Variants in MMP26 observed in about 807,000 individuals in gnomAD.
MMP26 encodes matrix metallopeptidase 26.
In MMP26, 33 loss-of-function variants were observed where a neutral mutation model predicts 31.0. That is an observed-to-expected ratio of 1.06 (90% confidence interval 0.81 to 1.42). MMP26 has a LOEUF of 1.42. Among genes scored for constraint, MMP26 ranks in the 40% most tolerant of loss-of-function variants. MMP26 has a pLI of 0.00. For missense variants in MMP26, 347 were observed against 316.1 expected, an observed-to-expected ratio of 1.10 and a Z score of -0.74; for synonymous variants, 122 against 114.9, an observed-to-expected ratio of 1.06 and a Z score of -0.40.
chr11:4,807,282 A>C (rs1234687744), intron 2 of MMP26, among the ~76,000 whole-genome samples: 1 of 152,084 alleles, frequency 6.6e-6, no homozygotes, highest in African/African-American at 2.4e-5. Context: ...ACTAATTTAC[A>C]CTCCCACCAA....
chr11:4,829,297 G>A (rs564946669), intron 2 of MMP26, among the ~76,000 whole-genome samples: 1 of 152,012 alleles, frequency 6.6e-6, no homozygotes, highest in Admixed American at 6.6e-5. Context: ...CCACTTTTCT[G>A]CCTGTCCTAA....
intron 1 of MMP26, among the ~76,000 whole-genome samples, chr11:4,725,966 T>C (rs1044105404): frequency 5.3e-5 from 8 of 152,172 alleles, no homozygotes; most frequent in Admixed American, 3.3e-4. Flanking sequence ...TAGGGCTGTC[T>C]GCAGGCACAG....
At chr11:4,973,652 G>A (rs1399913732) in intron 2 of MMP26, 1 of 165,314 alleles carries the variant, frequency 6.0e-6, no homozygotes, top group Non-Finnish European at 1.4e-5. Context: ...AGGGAGAGAG[G>A]AGAGGGATAG....
intron 2 of MMP26, chr11:4,821,341 G>A (rs1453769298): frequency 6.9e-7 from 1 of 1,458,622 alleles, no homozygotes; most frequent in Non-Finnish European, 9.5e-7. Flanking sequence ...TGAAGTGCCA[G>A]AGAGATGTTA....
chr11:4,760,036 AG>A (rs1224199472), intron 1 of MMP26, among the ~76,000 whole-genome samples: 1 of 152,228 alleles, frequency 6.6e-6, no homozygotes, highest in Non-Finnish European at 1.5e-5. Flanking sequence ...ATTCTTATCT[AG>A]CCTCTAATTA....
chr11:4,979,652 A>C (rs1846786283), intron 2 of MMP26, among the ~76,000 whole-genome samples: 1 of 152,132 alleles, frequency 6.6e-6, no homozygotes, highest in Non-Finnish European at 1.5e-5. Context: ...GAAACTTAGC[A>C]TCACAGTCCC....
chr11:4,991,606 G>T (rs1334874897), intron 6 of MMP26, 110 bp downstream of exon 6: 8 of 1,379,888 alleles, frequency 5.8e-6, no homozygotes, highest in Non-Finnish European at 6.9e-6. Flanking sequence ...GGAAGATTTG[G>T]CTGAGGAATC....
chr11:4,824,684 A>G (rs144409806), intron 2 of MMP26, among the ~76,000 whole-genome samples: 44 of 152,196 alleles, frequency 2.9e-4, no homozygotes, highest in Non-Finnish European at 5.3e-4. Context: ...TGATATTTCT[A>G]TAGTCCACAT....
At chr11:4,907,611 T>A in intron 2 of MMP26, 1 of 1,613,938 alleles carries the variant, frequency 6.2e-7, no homozygotes, top group Non-Finnish European at 8.5e-7. Context: ...CTTCCTACCA[T>A]GTTGAGGGTC....
chr11:4,732,749 G>A (rs181499840), intron 1 of MMP26, among the ~76,000 whole-genome samples: 19 of 152,160 alleles, frequency 1.2e-4, no homozygotes, highest in Non-Finnish European at 2.4e-4. Flanking sequence ...TTTTCATTTG[G>A]TGCACTGTTT....
intron 1 of MMP26, among the ~76,000 whole-genome samples, chr11:4,764,641 C>A (rs763899391): frequency 1.3e-5 from 2 of 152,168 alleles, no homozygotes; most frequent in Non-Finnish European, 2.9e-5. Flanking sequence ...GAGGCCGAGG[C>A]GGGTGGATCA....
intron 2 of MMP26, chr11:4,876,607 G>T (rs557605638): frequency 2.6e-5 from 4 of 152,212 alleles, no homozygotes; most frequent in Non-Finnish European, 5.9e-5. Flanking sequence ...TCTTCACCCT[G>T]ACTGGGATTC....
chr11:4,952,368 C>A (rs1177094582), intron 2 of MMP26, among the ~76,000 whole-genome samples: 2 of 124,172 alleles, frequency 1.6e-5, no homozygotes, highest in African/African-American at 5.5e-5. Context: ...CTATCCTCAC[C>A]CTGAGAGAAT....
intron 2 of MMP26, among the ~76,000 whole-genome samples, chr11:4,910,072 A>C (rs1850966275): frequency 6.6e-6 from 1 of 152,102 alleles, no homozygotes; most frequent in Non-Finnish European, 1.5e-5. Flanking sequence ...TGTAAGCTGC[A>C]GTTCTGACAT....
intron 1 of MMP26, among the ~76,000 whole-genome samples, chr11:4,757,688 C>A (rs912278758): frequency 6.6e-6 from 1 of 150,588 alleles, no homozygotes; most frequent in African/African-American, 2.4e-5. Context: ...AACAAGCCCA[C>A]GAAAGTTGAG....
chr11:4,783,235 C>A (rs1848889424), intron 2 of MMP26, among the ~76,000 whole-genome samples: 1 of 152,206 alleles, frequency 6.6e-6, no homozygotes, highest in Admixed American at 6.5e-5. Flanking sequence ...GCCACAGGGG[C>A]AGACATGCCC....
chr11:4,917,968 T>TA, intron 2 of MMP26, among the ~76,000 whole-genome samples: 1 of 150,852 alleles, frequency 6.6e-6, no homozygotes, highest in Non-Finnish European at 1.5e-5. Context: ...GCGGAAAATA[T>TA]TTTTGACATT....
intron 2 of MMP26, chr11:4,923,412 G>A: frequency 6.3e-7 from 1 of 1,578,364 alleles, no homozygotes; most frequent in Non-Finnish European, 8.6e-7. Context: ...TTTATAAACT[G>A]AAACTTCTTA....
At chr11:4,867,864 C>G (rs1467599808) in intron 2 of MMP26, among the ~76,000 whole-genome samples, 1 of 152,008 alleles carries the variant, frequency 6.6e-6, no homozygotes, top group Non-Finnish European at 1.5e-5. Context: ...GGCAGAAATA[C>G]CATTTGACCG....
Sources: gnomAD v4.1 joint callset for allele counts (sites outside exome capture counted in the v4.1 genomes callset) on GRCh38, gnomAD v4.1.1 for gene constraint, MANE v1.5 for transcripts, NCBI Gene and HGNC (gene_info 2026-07-23, HGNC 2026-07-21) for gene names.